Variants in KAT6A observed in about 807,000 individuals in gnomAD.
KAT6A encodes the protein lysine acetyltransferase 6A.
In KAT6A, 9 loss-of-function variants were observed where a neutral mutation model predicts 198.4. The observed-to-expected ratio is 0.05, with a 90% confidence interval of 0.03 to 0.08. The LOEUF (loss-of-function observed/expected upper bound fraction) is 0.08. KAT6A is among the 10% of genes least tolerant of loss of function. KAT6A has a pLI of 1.00. For missense variants in KAT6A, 2,077 were observed against 2,509.9 expected (o/e 0.83, Z 3.69); for synonymous variants, 890 against 883.0 (o/e 1.01, Z -0.14).
chr8:41,940,582 T>C (rs1230872265), intron 15 of KAT6A, among the ~76,000 whole-genome samples: 1 of 152,200 alleles, frequency 6.6e-6, no homozygotes. Context: ...AAAAGTTTGT[T>C]TGCATCCCAG....
In KAT6A at chr8:41,941,286, C is replaced by A; in HGVS notation, c.2595G>T (p.Arg865Ser). 6.2e-7 allele frequency: 1 copy of A among 1,614,086 alleles called. No homozygotes were observed. The highest frequency in any genetic ancestry group is 8.5e-7 in the Non-Finnish European group (1 of 1,180,046). ...TTCTGTTCTTCCTCCCCCAGCGGCC[C>A]CTCCGAGATGGCTGGCTATTTGCAG... ...SLPANSQPSRRGRWGRKNRKT... is the reference protein window; with the variant it reads ...SLPANSQPSRSGRWGRKNRKT... Residue 865 changes from arginine to serine, a missense_variant, in exon 15 of 17, where the codon AGG (arginine) becomes AGT (serine). Arg to Ser is a moderately radical substitution (Grantham distance 110). Transcript: ENST00000265713.
intron 2 of KAT6A, among the ~76,000 whole-genome samples, chr8:42,010,970 T>C (rs1452199410): frequency 6.6e-6 from 1 of 152,178 alleles, no homozygotes; most frequent in Non-Finnish European, 1.5e-5. Flanking sequence ...GGAAACAATG[T>C]AATCAATTCA....
intron 10 of KAT6A, 24 bp from the exon 11 acceptor site, chr8:41,947,936 C>A: frequency 6.4e-7 from 1 of 1,560,258 alleles, no homozygotes; most frequent in Non-Finnish European, 8.6e-7. Context: ...CAGAACAAAA[C>A]AGTCAGTAGA....
chr8:41,935,012 G>T, intron 16 of KAT6A, 145 bp from the exon 17 acceptor site: 1 of 694,832 alleles, frequency 1.4e-6, no homozygotes, highest in Non-Finnish European at 2.4e-6. Context: ...TTAAAGTTAA[G>T]AACCTAGAGG....
chr8:42,019,484 A>G (rs1234845119), intron 2 of KAT6A, among the ~76,000 whole-genome samples: 1 of 152,222 alleles, frequency 6.6e-6, no homozygotes, highest in African/African-American at 2.4e-5. Context: ...TTCTAGTGCT[A>G]TACTAGTTGC....
chr8:41,974,080 AT>A (rs796541449), intron 8 of KAT6A, among the ~76,000 whole-genome samples: 88 of 146,248 alleles, frequency 6.0e-4, no homozygotes, highest in South Asian at 2.4e-3. Flanking sequence ...AAGAATTGCA[AT>A]TTTTTTTTTT....
At chr8:41,947,674 G>T in intron 11 of KAT6A, 77 bp downstream of exon 11, 1 of 1,194,256 alleles carries the variant, frequency 8.4e-7, no homozygotes, top group Non-Finnish European at 1.2e-6. Flanking sequence ...ATCTTGTTGT[G>T]TCCCCGAGTG....
chr8:42,048,286 AC>A (rs1802416339), intron 2 of KAT6A, 91 bp downstream of exon 2: 2 of 1,437,722 alleles, frequency 1.4e-6, no homozygotes, highest in Non-Finnish European at 1.9e-6. Context: ...AAGTCCCCAA[AC>A]AAAAAACTTG....
chr8:41,936,016 C>T (rs1821833808), intron 16 of KAT6A, among the ~76,000 whole-genome samples: 1 of 152,136 alleles, frequency 6.6e-6, no homozygotes, highest in Non-Finnish European at 1.5e-5. Flanking sequence ...AATCCCAGCA[C>T]TTTGGGAGTC....
intron 9 of KAT6A, among the ~76,000 whole-genome samples, chr8:41,951,667 G>C (rs1341347726): frequency 6.6e-6 from 1 of 152,174 alleles, no homozygotes; most frequent in African/African-American, 2.4e-5. Flanking sequence ...CCAGCCCATG[G>C]AATCAGGGCT....
Position 42,048,652 on chromosome 8 carries a change from C to T in KAT6A, c.326G>A (p.Gly109Asp). 1.2e-6 allele frequency: 2 copies of T among 1,614,212 alleles called. No individual in the cohort carries two copies. Among genetic ancestry groups the T allele is most frequent in the Non-Finnish European group, 1.7e-6 (2 of 1,180,032 alleles). The change falls in exon 2 of 17, where the codon GGC (glycine) becomes GAC (aspartate). Residue 109 changes from glycine to aspartate, a missense_variant. By Grantham distance (94) the Gly-to-Asp change is moderately conservative. Around this residue, in one of 13 missense-constraint regions of KAT6A, gnomAD observed 185 missense variants for 185.7 expected, o/e 1.00. Coordinates refer to ENST00000265713, the MANE Select transcript of KAT6A (RefSeq NM_006766.5). Reference sequence around the variant, plus strand: ...AGTTGAGCCACCAGACTCTGCCAAGCCCTCAACTGCCCGCTTTATCAGTTT... The same window carrying T: ...AGTTGAGCCACCAGACTCTGCCAAGTCCTCAACTGCCCGCTTTATCAGTTT... ...WNKLIKRAVE[G>D]LAESGGSTLK...
At chr8:41,977,349 A>AG in intron 6 of KAT6A, 22 bp from the exon 7 acceptor site, 5 of 1,571,850 alleles carry the variant, frequency 3.2e-6, no homozygotes, top group Non-Finnish European at 4.3e-6. Context: ...AACAGGGGAA[A>AG]GGGTAAGTAT....
chr8:41,989,576 TA>T (rs966404905), intron 2 of KAT6A, among the ~76,000 whole-genome samples: 23 of 147,918 alleles, frequency 1.6e-4, no homozygotes, highest in African/African-American at 5.8e-4. Flanking sequence ...ATAACATAAC[TA>T]AAATAAAAAA....
intron 8 of KAT6A, among the ~76,000 whole-genome samples, chr8:41,958,865 A>G (rs1823052250): frequency 6.6e-6 from 1 of 152,210 alleles, no homozygotes; most frequent in African/African-American, 2.4e-5. Flanking sequence ...TTATTGCAAA[A>G]TGAGTTAGAA....
At chr8:41,942,496 A>G in intron 14 of KAT6A, 1 of 361,272 alleles carries the variant, frequency 2.8e-6, no homozygotes, top group South Asian at 4.2e-5. Context: ...CAGATTTCTC[A>G]ACTACTATCC....
intron 15 of KAT6A, among the ~76,000 whole-genome samples, chr8:41,938,361 C>T (rs1356892649): frequency 6.6e-6 from 1 of 152,122 alleles, no homozygotes; most frequent in East Asian, 1.9e-4. Context: ...ATTTGTTTTA[C>T]TTCATAAATT....
intron 2 of KAT6A, among the ~76,000 whole-genome samples, chr8:42,041,826 G>T (rs1827682690): frequency 6.6e-6 from 1 of 151,480 alleles, no homozygotes. Flanking sequence ...TTTCACACTT[G>T]ATAATAGCTA....
intron 12 of KAT6A, among the ~76,000 whole-genome samples, chr8:41,945,860 C>T (rs1485867736): frequency 1.3e-5 from 2 of 151,932 alleles, no homozygotes; most frequent in Non-Finnish European, 2.9e-5. Context: ...AACCCCGTCT[C>T]TAGTAAAAAT....
At chr8:41,987,999 CAGTA>C (rs1824712370) in intron 2 of KAT6A, among the ~76,000 whole-genome samples, 1 of 152,096 alleles carries the variant, frequency 6.6e-6, no homozygotes, top group Non-Finnish European at 1.5e-5. Context: ...GTGAGAGAAA[CAGTA>C]AGTGTTTTCT....
Sources: gnomAD v4.1 joint callset for allele counts (sites outside exome capture counted in the v4.1 genomes callset) on GRCh38, gnomAD v4.1.1 for gene constraint, gnomAD v4.1.1 regional missense constraint, MANE v1.5 for transcripts, NCBI Gene and HGNC (gene_info 2026-07-23, HGNC 2026-07-21) for gene names.